The following ARHGAP12 variants were observed in gnomAD, a reference collection of about 807,000 sequenced individuals.
ARHGAP12 encodes the protein rho GTPase-activating protein 12.
A neutral mutation model predicts 108.6 loss-of-function variants in ARHGAP12; 64 were observed. That is an observed-to-expected ratio of 0.59 (90% CI 0.48 to 0.73). The LOEUF is 0.73. ARHGAP12 is among the 30% of genes least tolerant of loss of function. The probability of loss-of-function intolerance (pLI) is 0.00; values close to 1 mark genes in which losing one functional copy is unlikely to be tolerated. For synonymous variants in ARHGAP12, 312 were observed against 337.2 expected (o/e 0.93, Z 0.82); for missense variants, 940 against 1,005.9 (o/e 0.93, Z 0.89).
At chr10:31,926,008 T>C (rs919593868) in intron 1 of ARHGAP12, among the ~76,000 whole-genome samples, 9 of 151,034 alleles carry the variant, frequency 6.0e-5, no homozygotes, top group Non-Finnish European at 1.3e-4. Flanking sequence ...ACTAGAAACT[T>C]TAAGCACAAG....
chr10:31,831,617 C>T lies in ARHGAP12; in HGVS notation c.1448+122G>A, dbSNP rs1324675265. Reference sequence around the variant, plus strand: ...CATGACAATCTTACATATATGATTACATAGAAAACAAATGGTGAGAGATTC... The same window carrying T: ...CATGACAATCTTACATATATGATTATATAGAAAACAAATGGTGAGAGATTC... On this transcript the variant is annotated intron_variant, in intron 10 of 19. Transcript: ENST00000344936. 3.8e-5 allele frequency: 22 copies of T among 582,008 alleles called. No individual in the cohort carries two copies. The Admixed American group carries it at 7.9e-4, about 21-fold the overall frequency. The allele number at this position is 582,008 out of a possible 1,614,324, so 36.1% of individuals were successfully genotyped here. A position where few individuals can be genotyped will look rare whatever the true frequency, so the allele number is the denominator to read the frequency against.
At chr10:31,875,511 G>T (rs1292372843) in intron 3 of ARHGAP12, among the ~76,000 whole-genome samples, 1 of 152,096 alleles carries the variant, frequency 6.6e-6, no homozygotes, top group Admixed American at 6.5e-5. Flanking sequence ...GATTGGGTAG[G>T]GTAGGGAAGG....
chr10:31,899,384 G>A (rs1051701496), intron 3 of ARHGAP12, among the ~76,000 whole-genome samples: 14 of 152,140 alleles, frequency 9.2e-5, no homozygotes, highest in Non-Finnish European at 1.3e-4. Flanking sequence ...TGGACAAAGT[G>A]AAATTTAAAC....
intron 12 of ARHGAP12, among the ~76,000 whole-genome samples, chr10:31,818,245 T>A (rs1835281221): frequency 6.6e-6 from 1 of 152,160 alleles, no homozygotes; most frequent in Non-Finnish European, 1.5e-5. Flanking sequence ...GATAAAGAAA[T>A]AAAATCTATG....
chr10:31,892,927 G>T (rs1051857165), intron 3 of ARHGAP12, among the ~76,000 whole-genome samples: 15 of 152,140 alleles, frequency 9.9e-5, no homozygotes, highest in Non-Finnish European at 2.9e-5. Flanking sequence ...AATCAAACTA[G>T]AACTCAGGAT....
At chr10:31,829,641 G>A (rs774008693) in intron 10 of ARHGAP12, among the ~76,000 whole-genome samples, 72 of 152,182 alleles carry the variant, frequency 4.7e-4, no homozygotes, top group Non-Finnish European at 8.7e-4. Context: ...TTTGAGAAAT[G>A]AGCAAAGTTA....
At chr10:31,875,960 G>A (rs1837712597) in intron 3 of ARHGAP12, among the ~76,000 whole-genome samples, 1 of 152,170 alleles carries the variant, frequency 6.6e-6, no homozygotes, top group South Asian at 2.1e-4. Context: ...ATTTCACTTA[G>A]CATGTGTCAG....
intron 7 of ARHGAP12, among the ~76,000 whole-genome samples, chr10:31,840,241 A>C (rs545619911): frequency 6.8e-4 from 104 of 152,182 alleles, no homozygotes; most frequent in South Asian, 1.9e-3. Context: ...AATTAGAAAT[A>C]AGATATTTTA....
chr10:31,859,829 C>T (rs953623945), intron 4 of ARHGAP12, among the ~76,000 whole-genome samples: 14 of 148,978 alleles, frequency 9.4e-5, no homozygotes, highest in African/African-American at 1.7e-4. Flanking sequence ...GAGTCTCACT[C>T]TGTTGCCCAG....
intron 7 of ARHGAP12, 50 bp downstream of exon 7, chr10:31,843,411 C>A: frequency 6.5e-7 from 1 of 1,538,166 alleles, no homozygotes; most frequent in South Asian, 1.2e-5. Flanking sequence ...AGTTACAATT[C>A]ACTGTACAAT....
In ARHGAP12 at chr10:31,839,630, T is replaced by C. The variant is rs1382308852; in HGVS notation, c.1371+7A>G. Reference sequence around the variant, plus strand: ...TACATTATAAGATATGCTTCTATCATACTAACTGTATCTTGGTGCTTTGGT... The same window carrying C: ...TACATTATAAGATATGCTTCTATCACACTAACTGTATCTTGGTGCTTTGGT... On this transcript the variant is annotated splice_region_variant and intron_variant, in intron 8 of 19. Transcript: ENST00000344936. 11 of 1,595,016 alleles carry C rather than the reference T, an allele frequency of 6.9e-6. No individual in the cohort carries two copies. Among genetic ancestry groups the C allele is most frequent in the Non-Finnish European group, 9.4e-6 (11 of 1,165,602 alleles).
At position 31,820,473 on chromosome 10, in the gene ARHGAP12, A is replaced by T; in HGVS notation, c.1546T>A (p.Ser516Thr). 1 of 1,599,546 alleles carries T rather than the reference A, an allele frequency of 6.3e-7. No homozygotes were observed. Residue 516 changes from serine (S) to threonine (T), a missense_variant, in exon 12 of 20, where the codon TCC becomes ACC. Physicochemically the swap from Ser to Thr is moderately conservative, Grantham distance 58. Transcript: ENST00000344936. ...SSTSWFGSNQ[S>T]KPEFTVDLKG... The stretch of plus-strand genomic sequence containing the variant: ...AGGTCCACTGTGAACTCTGGTTTGG[A>T]CTGATTACTGCCAAACTTCATTTTT...
intron 9 of ARHGAP12, among the ~76,000 whole-genome samples, chr10:31,832,794 A>AC (rs1554776265): frequency 1.3e-4 from 20 of 151,984 alleles, no homozygotes; most frequent in Admixed American, 1.0e-3. Context: ...AATATTGAGC[A>AC]TTTTTTTTAC....
intron 9 of ARHGAP12, among the ~76,000 whole-genome samples, chr10:31,833,309 A>T (rs573853494): frequency 2.6e-4 from 39 of 148,440 alleles, no homozygotes; most frequent in African/African-American, 9.6e-4. Flanking sequence ...AGCCCATTTT[A>T]AAAATGCCAC....
chr10:31,918,590 C>CTAGCTACGCAG (rs1230427633), intron 1 of ARHGAP12, among the ~76,000 whole-genome samples: 3 of 152,150 alleles, frequency 2.0e-5, no homozygotes, highest in African/African-American at 7.2e-5. Flanking sequence ...GCCTGTAGCC[C>CTAGCTACGCAG]TAGCTACGCA....
At chr10:31,808,225 A>C in intron 19 of ARHGAP12, among the ~76,000 whole-genome samples, 1 of 152,156 alleles carries the variant, frequency 6.6e-6, no homozygotes, top group East Asian at 1.9e-4. Flanking sequence ...TCTTTAAAAA[A>C]AAAAAACTCT....
At chr10:31,892,788 A>C (rs1311715744) in intron 3 of ARHGAP12, among the ~76,000 whole-genome samples, 1 of 152,238 alleles carries the variant, frequency 6.6e-6, no homozygotes, top group Non-Finnish European at 1.5e-5. Flanking sequence ...ACCCCAAATC[A>C]ACAGAATATA....
rs1036784090 is a variant in ARHGAP12, at chr10:31,817,723, A to C, written c.1731+65T>G. The C allele has an allele frequency of 3.8e-6, 4 of 1,040,256 alleles. No individual in the cohort carries two copies. The African/African-American group carries it at 6.8e-5, about 18-fold the overall frequency. The allele number at this position is 1,040,256 out of a possible 1,614,324, so 64.4% of individuals were successfully genotyped here. ...TAGATTGCAATCCGGATATCCAATA[A>C]GCAATTAAAAAAAAAAAAGAAAAAC... On this transcript the variant is annotated intron_variant, in intron 13 of 19. Coordinates refer to ENST00000344936, the MANE Select transcript of ARHGAP12 (RefSeq NM_018287.7).
chr10:31,808,812 C>A, intron 18 of ARHGAP12, 61 bp from the exon 19 acceptor site: 1 of 1,549,400 alleles, frequency 6.5e-7, no homozygotes, highest in South Asian at 1.1e-5. Flanking sequence ...AAAGCAATGT[C>A]ACAGTTTGGA....
Sources: gnomAD v4.1 joint callset for allele counts (sites outside exome capture counted in the v4.1 genomes callset) on GRCh38, gnomAD v4.1.1 for gene constraint, MANE v1.5 for transcripts, NCBI Gene and HGNC (gene_info 2026-07-23, HGNC 2026-07-21) for gene names.